Variants in TAF6L observed in about 807,000 individuals in gnomAD.
TAF6L encodes TAF6-like RNA polymerase II p300/CBP-associated factor-associated factor 65 kDa subunit 6L.
TAF6L carries 34 observed loss-of-function variants against 57.3 expected under a neutral mutation model. The ratio of observed to expected loss-of-function variants is 0.59; its 90% CI spans 0.45 to 0.79. TAF6L has a LOEUF of 0.79. Among genes scored for constraint, TAF6L ranks in the 30% least tolerant of loss-of-function variants. TAF6L has a pLI of 0.00. For synonymous variants in TAF6L, 417 were observed against 376.3 expected (o/e 1.11, Z -1.25); for missense variants, 782 against 853.2 (o/e 0.92, Z 1.04).
intron 6 of TAF6L, among the ~76,000 whole-genome samples, chr11:62,780,112 A>G (rs2084217903): frequency 6.7e-6 from 1 of 150,108 alleles, no homozygotes; most frequent in African/African-American, 2.5e-5. Context: ...TGAAGTCAGG[A>G]GTTCGAGACC....
At chr11:62,771,879 G>C (rs1396969539) in intron 1 of TAF6L, 2 of 309,108 alleles carry the variant, frequency 6.5e-6, no homozygotes, top group African/African-American at 4.4e-5. Context: ...CCATTTTACA[G>C]ATAGGGAAAC....
intron 1 of TAF6L, among the ~76,000 whole-genome samples, chr11:62,772,824 T>G (rs1373631999): frequency 2.0e-5 from 3 of 150,900 alleles, no homozygotes; most frequent in Non-Finnish European, 3.0e-5. Flanking sequence ...AAAAAAAGAA[T>G]AGTTCTTCTT....
intron 1 of TAF6L, among the ~76,000 whole-genome samples, chr11:62,773,102 A>G (rs1274810826): frequency 2.0e-5 from 3 of 150,792 alleles, no homozygotes; most frequent in African/African-American, 4.9e-5. Context: ...CGGCCTCCCA[A>G]AGTGCTGGGA....
Position 62,782,740 on chromosome 11 carries a change from C to A in TAF6L, c.875C>A (p.Ser292Tyr). ...VSGLYQHILL[S>Y]LQKILADPVR... ...GGCCTCTATCAGCATATCCTGCTAT[C>A]CCTGCAGAAGATCCTGGCAGATCCT... The change falls in exon 9 of 11, where the codon TCC becomes TAC. Residue 292 changes from serine to tyrosine, a missense_variant. Transcript: ENST00000294168. 1 of 1,612,766 alleles carries A rather than the reference C, an allele frequency of 6.2e-7. No homozygotes were observed. Among genetic ancestry groups the A allele is most frequent in the Non-Finnish European group, 8.5e-7 (1 of 1,180,022 alleles).
chr11:62,772,766 C>G (rs1565185577), intron 1 of TAF6L, among the ~76,000 whole-genome samples: 2 of 150,636 alleles, frequency 1.3e-5, no homozygotes, highest in Non-Finnish European at 3.0e-5. Context: ...CCACTGCACT[C>G]CAGCCTGGGT....
chr11:62,779,721 A>G (rs930801079), intron 6 of TAF6L, among the ~76,000 whole-genome samples: 1 of 151,462 alleles, frequency 6.6e-6, no homozygotes, highest in Non-Finnish European at 1.5e-5. Context: ...GCCGGAGTGC[A>G]GTGGTGTGAT....
At position 62,782,227 on chromosome 11, in the gene TAF6L, A is replaced by G; in HGVS notation, c.721A>G (p.Ser241Gly). The stretch of plus-strand genomic sequence containing the variant: ...GCCCTATGTCCGCTGTCTGGTGGGC[A>G]GTGTCCTCTACTGTGTCCTGGAGCC... Reference protein sequence around the residue: ...LGPYVRCLVGSVLYCVLEPLA... With the variant: ...LGPYVRCLVGGVLYCVLEPLA... Residue 241 changes from serine to glycine, a missense_variant, in exon 8 of 11, where the codon AGT becomes GGT. Around this residue, in one of 3 missense-constraint regions of TAF6L, gnomAD observed 79 missense variants for 156.0 expected, o/e 0.51. Transcript: ENST00000294168. The G allele has an allele frequency of 2.5e-6, 4 of 1,614,226 alleles. No individual in the cohort carries two copies. The highest frequency in any genetic ancestry group is 3.4e-6 in the Non-Finnish European group (4 of 1,180,032).
rs756408971 is a variant in TAF6L at position 62,782,216 on chromosome 11, G to C, written c.710G>C (p.Cys237Ser). 25 of 1,614,234 alleles carry C rather than the reference G, an allele frequency of 1.5e-5. No homozygotes were observed. The highest frequency in any genetic ancestry group is 1.8e-5 in the Non-Finnish European group (21 of 1,180,040). The change falls in exon 8 of 11, where the codon TGT becomes TCT. Residue 237 changes from cysteine (C) to serine (S), a missense_variant. Physicochemically the swap from Cys to Ser is moderately radical, Grantham distance 112 (BLOSUM62 -1). Around this residue, in one of 3 missense-constraint regions of TAF6L, gnomAD observed 79 missense variants for 156.0 expected, o/e 0.51. Coordinates refer to ENST00000294168, the MANE Select transcript of TAF6L (RefSeq NM_006473.4). Reference sequence around the variant, plus strand: ...CTGTGCTTGGGGCCCTATGTCCGCTGTCTGGTGGGCAGTGTCCTCTACTGT... The same window carrying C: ...CTGTGCTTGGGGCCCTATGTCCGCTCTCTGGTGGGCAGTGTCCTCTACTGT... ...PHLCLGPYVR[C>S]LVGSVLYCVL...
intron 1 of TAF6L, among the ~76,000 whole-genome samples, chr11:62,772,805 CA>C (rs770586046): frequency 0.13 from 14,590 of 109,634 alleles, 1,656 homozygotes; most frequent in African/African-American, 0.34. Context: ...ACATCATCTC[CA>C]AAAAAAAAAA....
chr11:62,773,271 C>T (rs977099737), intron 1 of TAF6L, among the ~76,000 whole-genome samples: 14 of 151,484 alleles, frequency 9.2e-5, no homozygotes, highest in African/African-American at 2.2e-4. Context: ...CCTCAGCCTC[C>T]GGAGTAGCTG....
chr11:62,779,952 C>CCATATATATATATATATATA (rs1332185092), intron 6 of TAF6L, among the ~76,000 whole-genome samples: 1 of 100,054 alleles, frequency 1.0e-5, no homozygotes, highest in African/African-American at 4.5e-5. Flanking sequence ...AGGCGTGAGC[C>CCATATATATATATATATATA]TATATATATA....
intron 5 of TAF6L, 24 bp downstream of exon 5, chr11:62,778,359 G>T: frequency 4.3e-6 from 7 of 1,614,082 alleles, no homozygotes; most frequent in Non-Finnish European, 5.9e-6. Context: ...TAGGAAACAG[G>T]CTCTTTGGAT....
intron 8 of TAF6L, 50 bp from the exon 9 acceptor site, chr11:62,782,643 G>T: frequency 6.2e-7 from 1 of 1,601,010 alleles, no homozygotes; most frequent in Non-Finnish European, 8.5e-7. Flanking sequence ...GTGCCCTGTT[G>T]GGTGGCACCA....
intron 7 of TAF6L, 54 bp downstream of exon 7, chr11:62,782,022 G>T: frequency 1.2e-6 from 2 of 1,605,614 alleles, no homozygotes; most frequent in East Asian, 2.2e-5. Context: ...AGATGACCCA[G>T]CAGGTGTAGG....
chr11:62,775,724 C>G (rs573679317), intron 1 of TAF6L, 47 bp from the exon 2 acceptor site: 1 of 1,557,254 alleles, frequency 6.4e-7, no homozygotes, highest in Admixed American at 1.8e-5. Context: ...CTCCTGGGCT[C>G]TCCGGGAGGC....
chr11:62,781,882 C>T lies in TAF6L; in HGVS notation c.532-12C>T. 6.2e-7 allele frequency: 1 copy of T among 1,613,796 alleles called. No homozygotes were observed. The highest frequency in any genetic ancestry group is 8.5e-7 in the Non-Finnish European group (1 of 1,179,768). ...CTGGTGGATCCAATGCAGTCTGGGC[C>T]CTTCCTTTTAGGTTGCACTCCAGGA... On this transcript the variant is annotated splice_polypyrimidine_tract_variant and intron_variant, in intron 6 of 10. Transcript: ENST00000294168.
intron 1 of TAF6L, chr11:62,775,560 A>C (rs1167023471): frequency 1.5e-5 from 8 of 532,616 alleles, no homozygotes; most frequent in African/African-American, 3.8e-5. Flanking sequence ...GAACCCCAAC[A>C]CTTTGGACTT....
At chr11:62,779,977 T>TATATATATATAA (rs1491411798) in intron 6 of TAF6L, among the ~76,000 whole-genome samples, 1 of 40,126 alleles carries the variant, frequency 2.5e-5, no homozygotes, top group African/African-American at 8.7e-5. Flanking sequence ...TATATATATA[T>TATATATATATAA]TTTTTTTTTT....
chr11:62,784,679 C>T (rs779202355), intron 9 of TAF6L, among the ~76,000 whole-genome samples: 16 of 152,052 alleles, frequency 1.1e-4, no homozygotes, highest in African/African-American at 2.7e-4. Context: ...TGAAATGATC[C>T]GAAGGCTTTT....
Sources: allele counts gnomAD v4.1 joint callset (sites outside exome capture counted in the v4.1 genomes callset), GRCh38; gene constraint gnomAD v4.1.1; regional missense constraint gnomAD v4.1.1; transcripts MANE v1.5; gene names NCBI Gene and HGNC (gene_info 2026-07-23, HGNC 2026-07-21).